Variants in RGS6 observed in about 807,000 individuals in gnomAD.
The protein encoded by RGS6 is regulator of G-protein signaling 6.
Under a neutral mutation model 78.5 loss-of-function variants are expected in RGS6, and 30 were observed. That is an observed-to-expected ratio of 0.38 (90% CI 0.29 to 0.52). The LOEUF (loss-of-function observed/expected upper bound fraction) is 0.52. Ranked by LOEUF, RGS6 falls within the 20% of genes least tolerant of loss-of-function variation. The probability of loss-of-function intolerance (pLI) is 0.85; values close to 1 mark genes in which losing one functional copy is unlikely to be tolerated. For missense variants in RGS6, 495 were observed against 609.7 expected (o/e 0.81, Z 1.98); for synonymous variants, 206 against 206.0 (o/e 1.00, Z 0.00).
intron 3 of RGS6, among the ~76,000 whole-genome samples, chr14:72,374,944 C>A (rs1320150241): frequency 6.6e-6 from 1 of 152,026 alleles, no homozygotes; most frequent in Non-Finnish European, 1.5e-5. Flanking sequence ...GGAATCTCTG[C>A]AAATGAAAAA....
At chr14:72,351,736 A>G (rs750261855) in intron 2 of RGS6, among the ~76,000 whole-genome samples, 1 of 152,228 alleles carries the variant, frequency 6.6e-6, no homozygotes, top group Non-Finnish European at 1.5e-5. Flanking sequence ...GAAATTTCAT[A>G]TGGTTCAACC....
At chr14:71,932,139 C>G (rs2087917535), upstream of RGS6, among the ~76,000 whole-genome samples, 1 of 152,236 alleles carries the variant, frequency 6.6e-6, no homozygotes, top group Non-Finnish European at 1.5e-5. Flanking sequence ...GCCAGTCTCT[C>G]GGTTTTCTCG....
intron 2 of RGS6, among the ~76,000 whole-genome samples, chr14:72,320,132 T>C (rs1223109124): frequency 6.6e-6 from 1 of 152,178 alleles, no homozygotes; most frequent in Non-Finnish European, 1.5e-5. Context: ...ATTCCAAGAT[T>C]GCAGAGAGTA....
At chr14:72,090,780 G>A (rs2095243578) in intron 2 of RGS6, among the ~76,000 whole-genome samples, 1 of 152,164 alleles carries the variant, frequency 6.6e-6, no homozygotes, top group African/African-American at 2.4e-5. Context: ...GCCAGGGAGT[G>A]TTACTAGGGC....
chr14:72,598,021 T>C, the RGS6 span, among the ~76,000 whole-genome samples: 3 of 152,370 alleles, frequency 2.0e-5, no homozygotes, highest in South Asian at 2.1e-4. Context: ...AGTGGGTGTC[T>C]GTTATTTACA....
intron 2 of RGS6, 43 bp from the exon 3 acceptor site, chr14:72,352,052 A>G: frequency 7.0e-7 from 1 of 1,438,840 alleles, no homozygotes; most frequent in Non-Finnish European, 9.7e-7. Flanking sequence ...TTATAATTAC[A>G]TTATGGGAGA....
At chr14:71,946,372 G>T (rs2091515890) in intron 1 of RGS6, among the ~76,000 whole-genome samples, 1 of 152,096 alleles carries the variant, frequency 6.6e-6, no homozygotes, top group South Asian at 2.1e-4. Flanking sequence ...TGCGGGGGCG[G>T]GATGTTCCGT....
chr14:72,421,848 A>C (rs2094197910), intron 3 of RGS6: 1 of 152,288 alleles, frequency 6.6e-6, no homozygotes, highest in Non-Finnish European at 1.5e-5. Context: ...GTGGGCTGCA[A>C]GAAAGACTGG....
chr14:72,357,770 T>C (rs1323709258), intron 3 of RGS6, among the ~76,000 whole-genome samples: 1 of 152,042 alleles, frequency 6.6e-6, no homozygotes, highest in Non-Finnish European at 1.5e-5. Context: ...GAAAAACACA[T>C]TTTCTGGGGA....
the RGS6 span, among the ~76,000 whole-genome samples, chr14:72,614,623 T>C: frequency 6.6e-6 from 1 of 151,946 alleles, no homozygotes; most frequent in Non-Finnish European, 1.5e-5. Flanking sequence ...GTGAGGGGCT[T>C]ACTTTGCCCT....
At chr14:72,258,333 G>A (rs2057475344) in intron 2 of RGS6, among the ~76,000 whole-genome samples, 1 of 152,210 alleles carries the variant, frequency 6.6e-6, no homozygotes, top group African/African-American at 2.4e-5. Flanking sequence ...TGGGGTGTCA[G>A]TTCCACGTCT....
intron 1 of RGS6, among the ~76,000 whole-genome samples, chr14:71,960,655 T>C (rs957683844): frequency 1.2e-4 from 18 of 152,352 alleles, no homozygotes; most frequent in African/African-American, 4.3e-4. Flanking sequence ...ATTCAGATAG[T>C]TGCGAATCCC....
chr14:72,313,445 T>C (rs1306263506), intron 2 of RGS6, among the ~76,000 whole-genome samples: 1 of 152,226 alleles, frequency 6.6e-6, no homozygotes, highest in African/African-American at 2.4e-5. Context: ...CGCTTGCTTT[T>C]CTTTCTTCCT....
chr14:72,499,377 C>T (rs2153423556), intron 13 of RGS6, among the ~76,000 whole-genome samples: 1 of 152,304 alleles, frequency 6.6e-6, no homozygotes, highest in East Asian at 1.9e-4. Flanking sequence ...GGAACCTGAT[C>T]CATGTTCCTG....
intron 2 of RGS6, among the ~76,000 whole-genome samples, chr14:72,158,283 A>G (rs1314246282): frequency 6.6e-6 from 1 of 152,002 alleles, no homozygotes; most frequent in Admixed American, 6.6e-5. Context: ...TCATGTCATC[A>G]TCTCTCTTTG....
chr14:72,129,171 T>C (rs7142272), intron 2 of RGS6, among the ~76,000 whole-genome samples: 92,894 of 151,960 alleles, frequency 0.61, 30,819 homozygotes, highest in Non-Finnish European at 0.74. Context: ...GAGTTGAATC[T>C]TACTTACACC....
intron 2 of RGS6, among the ~76,000 whole-genome samples, chr14:71,970,402 T>C (rs2093731509): frequency 6.6e-6 from 1 of 152,192 alleles, no homozygotes; most frequent in South Asian, 2.1e-4. Flanking sequence ...CTCTTCCTAA[T>C]GATTTAGGGC....
At chr14:72,042,511 A>G (rs1301142256) in intron 2 of RGS6, among the ~76,000 whole-genome samples, 1 of 152,168 alleles carries the variant, frequency 6.6e-6, no homozygotes, top group African/African-American at 2.4e-5. Flanking sequence ...CAACATGAGT[A>G]ATTACTGTTA....
intron 15 of RGS6, among the ~76,000 whole-genome samples, chr14:72,528,012 G>A (rs1184633465): frequency 1.3e-5 from 2 of 152,206 alleles, no homozygotes; most frequent in African/African-American, 2.4e-5. Context: ...TTCTGAAGCT[G>A]GGAAATGAGA....
Sources: allele counts gnomAD v4.1 joint callset (sites outside exome capture counted in the v4.1 genomes callset), GRCh38; gene constraint gnomAD v4.1.1; transcripts MANE v1.5; gene names NCBI Gene and HGNC (gene_info 2026-07-23, HGNC 2026-07-21).